FER: variants seen among roughly 807,000 people sequenced by gnomAD.
The protein encoded by FER is FER tyrosine kinase.
FER carries 63 observed loss-of-function variants against 111.0 expected under a neutral mutation model. The observed-to-expected ratio is 0.57, with a 90% CI of 0.46 to 0.70. The LOEUF (loss-of-function observed/expected upper bound fraction) is 0.70, where lower values mean the gene tolerates loss of function less well. Among genes scored for constraint, FER ranks in the 30% least tolerant of loss-of-function variants. The pLI is 0.00. For missense variants in FER, 914 were observed against 954.0 expected (o/e 0.96, Z 0.55); for synonymous variants, 327 against 313.9 (o/e 1.04, Z -0.44).
intron 5 of FER, among the ~76,000 whole-genome samples, chr5:108,856,163 A>G (rs1325150184): frequency 6.6e-6 from 1 of 152,068 alleles, no homozygotes; most frequent in Non-Finnish European, 1.5e-5. Flanking sequence ...CTTAGGAGAG[A>G]TGGAGAGATA....
At chr5:109,151,795 A>AAGTTTACAGACG (rs1754878035) in intron 17 of FER, among the ~76,000 whole-genome samples, 1 of 152,138 alleles carries the variant, frequency 6.6e-6, no homozygotes, top group African/African-American at 2.4e-5. Context: ...GTTATGAGAC[A>AAGTTTACAGACG]AAGTTTACAG....
chr5:108,907,055 A>G (rs1284676494), intron 10 of FER, among the ~76,000 whole-genome samples: 4 of 152,170 alleles, frequency 2.6e-5, no homozygotes, highest in Non-Finnish European at 4.4e-5. Context: ...CAATGTCTTC[A>G]TCGGTAAAAT....
chr5:109,138,079 A>G (rs1434676759), intron 17 of FER, among the ~76,000 whole-genome samples: 2 of 152,196 alleles, frequency 1.3e-5, no homozygotes, highest in Non-Finnish European at 2.9e-5. Context: ...CTCATGCTTC[A>G]GGAACTATAG....
At chr5:109,087,579 TTGTG>T (rs1200003199) in intron 16 of FER, among the ~76,000 whole-genome samples, 2 of 151,794 alleles carry the variant, frequency 1.3e-5, no homozygotes, top group Non-Finnish European at 3.0e-5. Flanking sequence ...TTACCTCTGC[TTGTG>T]TGTGTTTTTT....
intron 15 of FER, 22 bp from the exon 16 acceptor site, chr5:109,047,082 C>T (rs565687153): frequency 3.3e-5 from 41 of 1,226,946 alleles, no homozygotes; most frequent in East Asian, 2.9e-4. Flanking sequence ...GATAACTATT[C>T]GTATATTTTC....
intron 12 of FER, among the ~76,000 whole-genome samples, chr5:108,955,886 C>A (rs929231438): frequency 2.6e-5 from 4 of 151,676 alleles, no homozygotes; most frequent in African/African-American, 9.7e-5. Context: ...TAAAACGTAT[C>A]TTTGAGCTGA....
chr5:109,131,790 G>A (rs543244207), intron 17 of FER, among the ~76,000 whole-genome samples: 1 of 152,210 alleles, frequency 6.6e-6, no homozygotes, highest in South Asian at 2.1e-4. Flanking sequence ...GTTTTCTGAT[G>A]TGCTCTTAGC....
At position 109,092,284 on chromosome 5, in the gene FER, C is replaced by CAAAAAA. The variant is rs70999914; in HGVS notation, c.1925-8090_1925-8085dup. On this transcript the variant is annotated intron_variant, in intron 16 of 19. Transcript: ENST00000281092. Reference sequence around the variant, plus strand: ...ATCAATCTTAAAAACCTTATGATGGCAAAAAAAAAAAAAAAAAAAAAAAAA... The same window carrying CAAAAAA: ...ATCAATCTTAAAAACCTTATGATGGCAAAAAAAAAAAAAAAAAAAAAAAAAAAAAAA... Among the ~76,000 whole-genome samples, 16 of 40,428 alleles carry CAAAAAA rather than the reference C, an allele frequency of 4.0e-4. 1 individual carries two copies. Among genetic ancestry groups the CAAAAAA allele is most frequent in the Admixed American group, 4.8e-4 (1 of 2,076 alleles). 26.5% of individuals were successfully genotyped at this position (40,428 alleles called of 152,430 possible).
chr5:108,759,240 A>C (rs993190696), intron 1 of FER, among the ~76,000 whole-genome samples: 1 of 152,206 alleles, frequency 6.6e-6, no homozygotes, highest in Non-Finnish European at 1.5e-5. Flanking sequence ...CTGGACATGG[A>C]CATAATTCAG....
chr5:109,133,125 TGG>T (rs1186496741), intron 17 of FER, among the ~76,000 whole-genome samples: 2 of 152,196 alleles, frequency 1.3e-5, no homozygotes, highest in Non-Finnish European at 2.9e-5. Context: ...AGTATGTTCT[TGG>T]GCAGAGGGTT....
chr5:108,758,244 A>G (rs1255425805), intron 1 of FER, among the ~76,000 whole-genome samples: 3 of 152,222 alleles, frequency 2.0e-5, no homozygotes, highest in Admixed American at 2.0e-4. Context: ...TATAAAGCAT[A>G]GAGAGGTTTC....
chr5:109,008,751 C>T (rs181407238), intron 13 of FER, among the ~76,000 whole-genome samples: 1,875 of 152,196 alleles, frequency 0.012, 23 homozygotes, highest in Admixed American at 0.018. Flanking sequence ...GAGGCCGAGG[C>T]GGGCAGATCA....
At chr5:109,184,530 T>A (rs1758646027) in intron 18 of FER, among the ~76,000 whole-genome samples, 1 of 152,198 alleles carries the variant, frequency 6.6e-6, no homozygotes, top group Non-Finnish European at 1.5e-5. Flanking sequence ...ATATGTAATA[T>A]GTCTTTATTG....
chr5:109,059,182 A>C (rs555335841), intron 16 of FER, among the ~76,000 whole-genome samples: 1 of 152,176 alleles, frequency 6.6e-6, no homozygotes. Context: ...AGAATTTGTA[A>C]AGATAAATCA....
At position 109,046,758 on chromosome 5, in the gene FER, A is replaced by G. The variant is rs576527873; in HGVS notation, c.1830-346A>G. The stretch of plus-strand genomic sequence containing the variant: ...ACAATACAGTATAACAACTATTTAT[A>G]TAACATTTACATTATATTAGGTCTT... On this transcript the variant is annotated intron_variant, in intron 15 of 19. Transcript: ENST00000281092. Among the ~76,000 whole-genome samples, 9 of 152,274 alleles carry G rather than the reference A, an allele frequency of 5.9e-5. No individual in the cohort carries two copies. In the East Asian group the frequency reaches 1.5e-3, roughly 26 times the overall value.
At chr5:108,835,184 A>G (rs10069113) in intron 4 of FER, among the ~76,000 whole-genome samples, 771 of 28,586 alleles carry the variant, frequency 0.027, 35 homozygotes, top group Middle Eastern at 0.077. Flanking sequence ...CGTTTGCGCC[A>G]CCCCCCCCCC....
intron 16 of FER, among the ~76,000 whole-genome samples, chr5:109,070,738 G>A (rs1380386642): frequency 1.3e-5 from 2 of 151,830 alleles, no homozygotes; most frequent in Admixed American, 6.6e-5. Flanking sequence ...TATAGGTAAG[G>A]CTTTTCTATA....
At chr5:108,940,738 C>T (rs539824709) in intron 10 of FER, among the ~76,000 whole-genome samples, 2 of 152,156 alleles carry the variant, frequency 1.3e-5, no homozygotes, top group South Asian at 2.1e-4. Context: ...AGCAGTAGAT[C>T]AGAGAAGGAG....
intron 5 of FER, among the ~76,000 whole-genome samples, chr5:108,838,551 A>G (rs138596966): frequency 2.2e-4 from 34 of 152,308 alleles, no homozygotes; most frequent in Middle Eastern, 3.4e-3. Context: ...CAGTAGTAGT[A>G]GTAGTAAACC....
Sources: allele counts gnomAD v4.1 joint callset (sites outside exome capture counted in the v4.1 genomes callset), GRCh38; gene constraint gnomAD v4.1.1; transcripts MANE v1.5; gene names NCBI Gene and HGNC (gene_info 2026-07-23, HGNC 2026-07-21).